NRXN1: variants seen among roughly 807,000 people sequenced by gnomAD.
NRXN1 encodes the protein neurexin-1.
A neutral mutation model predicts 150.9 loss-of-function variants in NRXN1; 39 were observed. The observed-to-expected ratio is 0.26, with a 90% CI of 0.20 to 0.34. The LOEUF is 0.34. Among genes scored for constraint, NRXN1 ranks in the 10% least tolerant of loss-of-function variants. NRXN1 has a pLI of 1.00. For synonymous variants in NRXN1, 924 were observed against 757.0 expected, an observed-to-expected ratio of 1.22 and a Z score of -3.62; for missense variants, 1,815 against 1,949.9, an observed-to-expected ratio of 0.93 and a Z score of 1.30.
At chr2:50,901,474 T>TGG (rs1271647320) in intron 5 of NRXN1, among the ~76,000 whole-genome samples, 7 of 152,062 alleles carry the variant, frequency 4.6e-5, no homozygotes, top group Non-Finnish European at 8.8e-5. Context: ...GAGGTAGAAC[T>TGG]TGCAGTGAGC....
intron 17 of NRXN1, among the ~76,000 whole-genome samples, chr2:50,315,383 G>C (rs933200176): frequency 6.6e-6 from 1 of 152,128 alleles, no homozygotes; most frequent in Admixed American, 6.6e-5. Context: ...AATTAAGATA[G>C]AAGGATGGAA....
intron 5 of NRXN1, chr2:50,917,368 A>G (rs1253135003): frequency 6.6e-6 from 1 of 151,788 alleles, no homozygotes; most frequent in Non-Finnish European, 1.5e-5. Flanking sequence ...TATTTTAAAA[A>G]GCATAAAACA....
chr2:50,831,711 T>C (rs888021554), intron 5 of NRXN1, among the ~76,000 whole-genome samples: 2 of 152,258 alleles, frequency 1.3e-5, no homozygotes, highest in Non-Finnish European at 2.9e-5. Flanking sequence ...CCCTCATATT[T>C]GGACTGAATT....
chr2:50,930,214 G>A (rs1488396327), intron 2 of NRXN1, among the ~76,000 whole-genome samples: 1 of 151,888 alleles, frequency 6.6e-6, no homozygotes, highest in Non-Finnish European at 1.5e-5. Flanking sequence ...CTTCTTCACT[G>A]CTCGGGAATA....
chr2:50,465,301 C>T (rs569319151), intron 17 of NRXN1, 141 bp downstream of exon 17: 12 of 696,728 alleles, frequency 1.7e-5, no homozygotes, highest in Middle Eastern at 3.4e-4. Context: ...CTGTCCTTTC[C>T]GTAGAAACAA....
intron 21 of NRXN1, among the ~76,000 whole-genome samples, chr2:49,999,781 C>A (rs1001004893): frequency 2.0e-5 from 3 of 152,106 alleles, no homozygotes; most frequent in Non-Finnish European, 2.9e-5. Flanking sequence ...ATATCATCTT[C>A]ATATTCTTTA....
chr2:49,998,228 C>T (rs77595856), intron 21 of NRXN1, among the ~76,000 whole-genome samples: 1 of 152,130 alleles, frequency 6.6e-6, no homozygotes, highest in Non-Finnish European at 1.5e-5. Flanking sequence ...CATCCCTGAA[C>T]CTTGTCTCAA....
At chr2:50,091,088 T>C (rs952661143) in intron 19 of NRXN1, among the ~76,000 whole-genome samples, 2 of 152,226 alleles carry the variant, frequency 1.3e-5, no homozygotes, top group African/African-American at 4.8e-5. Flanking sequence ...ATTTCATTGA[T>C]GTCCTGAATT....
At chr2:50,697,388 G>C (rs1693067235) in intron 5 of NRXN1, among the ~76,000 whole-genome samples, 1 of 152,210 alleles carries the variant, frequency 6.6e-6, no homozygotes, top group South Asian at 2.1e-4. Context: ...GTTGGAAAGA[G>C]TGTTAAGACC....
intron 17 of NRXN1, among the ~76,000 whole-genome samples, chr2:50,374,046 T>A (rs1433507612): frequency 1.3e-5 from 2 of 149,482 alleles, no homozygotes; most frequent in Non-Finnish European, 3.0e-5. Context: ...ACTTGTAATC[T>A]CAGCATTTTG....
rs564409247 is a variant in NRXN1 at position 50,983,036 on chromosome 2, T to C, written c.772+44466A>G. Among the ~76,000 whole-genome samples, 12 of 152,170 alleles carry C rather than the reference T, an allele frequency of 7.9e-5. No individual in the cohort carries two copies. The South Asian group carries it at 2.1e-3, about 26-fold the overall frequency. On this transcript the variant is annotated intron_variant, in intron 2 of 22. Coordinates refer to ENST00000401669, the MANE Select transcript of NRXN1 (RefSeq NM_001330078.2). ...GGAGTTTTATATATATATAGTTCTA[T>C]TAATTCACCAAATTACTAAAGCCAT... is the stretch of plus-strand genomic sequence containing the variant.
chr2:50,977,249 TATA>T (rs1419085312), intron 2 of NRXN1, among the ~76,000 whole-genome samples: 1 of 152,088 alleles, frequency 6.6e-6, no homozygotes, highest in South Asian at 2.1e-4. Flanking sequence ...CAAATGCAAT[TATA>T]ATCATATTTG....
intron 3 of NRXN1, among the ~76,000 whole-genome samples, chr2:50,924,466 A>G (rs1686561313): frequency 6.6e-6 from 1 of 151,742 alleles, no homozygotes; most frequent in Non-Finnish European, 1.5e-5. Flanking sequence ...ATGCAATAGG[A>G]TTTTAAGAGA....
chr2:51,028,311 G>C lies in NRXN1; in HGVS notation c.-38C>G. 1 of 1,367,968 alleles carries C rather than the reference G, an allele frequency of 7.3e-7. No homozygotes were observed. The highest frequency in any genetic ancestry group is 9.6e-7 in the Non-Finnish European group (1 of 1,044,336). 84.7% of individuals were successfully genotyped at this position (1,367,968 alleles called of 1,614,324 possible). A position where few individuals can be genotyped will look rare whatever the true frequency, so the allele number is the denominator to read the frequency against. On this transcript the variant is annotated 5_prime_UTR_variant, in exon 2 of 23. Transcript: ENST00000401669. ...GGTGCGGCGGGGGGGTGCCGGGGCC[G>C]ACAGGGTCAAAATGGTCCTGGACAC... is the stretch of plus-strand genomic sequence containing the variant.
chr2:50,754,591 G>T (rs1330767689), intron 5 of NRXN1, among the ~76,000 whole-genome samples: 1 of 151,704 alleles, frequency 6.6e-6, no homozygotes, highest in East Asian at 1.9e-4. Context: ...TATATATCAG[G>T]CTAGCTTAAT....
intron 19 of NRXN1, among the ~76,000 whole-genome samples, chr2:50,056,393 T>C (rs1209731489): frequency 3.9e-5 from 6 of 152,122 alleles, no homozygotes; most frequent in Non-Finnish European, 8.8e-5. Context: ...CATCTGAATG[T>C]CTATATGACT....
At chr2:50,055,345 A>C (rs1693436065) in intron 19 of NRXN1, among the ~76,000 whole-genome samples, 1 of 152,190 alleles carries the variant, frequency 6.6e-6, no homozygotes, top group Non-Finnish European at 1.5e-5. Flanking sequence ...TAGCTTTACA[A>C]AAAATGACCA....
At chr2:50,259,695 A>G (rs1205926877) in intron 17 of NRXN1, among the ~76,000 whole-genome samples, 1 of 151,870 alleles carries the variant, frequency 6.6e-6, no homozygotes, top group Non-Finnish European at 1.5e-5. Flanking sequence ...TGAAACACAC[A>G]TGAATTGGCT....
Position 51,020,838 on chromosome 2 carries a change from G to T in NRXN1, c.772+6664C>A, listed in dbSNP as rs375541711. 7.9e-5 allele frequency among the ~76,000 whole-genome samples: 12 copies of T among 152,054 alleles called. No individual in the cohort carries two copies. The South Asian group carries it at 2.5e-3, about 32-fold the overall frequency. ...CACACAAAATACAAATAATCATGTGGCAAGAAAGGAATCTGAGAGAGCATG... is the reference window on the plus strand; with the variant it reads ...CACACAAAATACAAATAATCATGTGTCAAGAAAGGAATCTGAGAGAGCATG... On this transcript the variant is annotated intron_variant, in intron 2 of 22. Transcript: ENST00000401669.
Sources: gnomAD v4.1 joint callset for allele counts (sites outside exome capture counted in the v4.1 genomes callset) on GRCh38, gnomAD v4.1.1 for gene constraint, MANE v1.5 for transcripts, NCBI Gene and HGNC (gene_info 2026-07-23, HGNC 2026-07-21) for gene names.